The following PLXNA4 variants were observed in gnomAD, a reference collection of about 807,000 sequenced individuals.
PLXNA4 encodes plexin A4, also known as plexin-A4.
In PLXNA4, 44 loss-of-function variants were observed where a neutral mutation model predicts 191.8. The ratio of observed to expected loss-of-function variants is 0.23; its 90% confidence interval spans 0.18 to 0.29. The LOEUF (loss-of-function observed/expected upper bound fraction) is 0.29. Among genes scored for constraint, PLXNA4 ranks in the 10% least tolerant of loss-of-function variants. The pLI is 1.00. For synonymous variants in PLXNA4, 1,082 were observed against 1,009.5 expected (o/e 1.07, Z -1.36); for missense variants, 1,800 against 2,488.8 (o/e 0.72, Z 5.89).
chr7:132,339,413 C>T (rs910318217), intron 3 of PLXNA4, among the ~76,000 whole-genome samples: 1 of 152,164 alleles, frequency 6.6e-6, no homozygotes, highest in Non-Finnish European at 1.5e-5. Flanking sequence ...AAATTTAACA[C>T]CAGTTCTCAG....
intron 12 of PLXNA4, among the ~76,000 whole-genome samples, chr7:132,198,997 C>T (rs955503804): frequency 6.6e-6 from 1 of 152,138 alleles, no homozygotes; most frequent in Non-Finnish European, 1.5e-5. Flanking sequence ...AAAATAAAAA[C>T]CCCTCCTATC....
At chr7:132,594,661 C>A (rs1193883046) in intron 2 of PLXNA4, among the ~76,000 whole-genome samples, 1 of 152,124 alleles carries the variant, frequency 6.6e-6, no homozygotes, top group Non-Finnish European at 1.5e-5. Context: ...TAAATTAAAG[C>A]CCTTTTCAGT....
At chr7:132,619,456 G>A (rs1028044806) in intron 2 of PLXNA4, among the ~76,000 whole-genome samples, 3 of 152,186 alleles carry the variant, frequency 2.0e-5, no homozygotes, top group African/African-American at 4.8e-5. Context: ...CTTTATTGCT[G>A]TTGTCATTTG....
At chr7:132,547,924 TA>T (rs1800381436) in intron 1 of PLXNA4, among the ~76,000 whole-genome samples, 1 of 152,108 alleles carries the variant, frequency 6.6e-6, no homozygotes. Flanking sequence ...CCAAGACCAC[TA>T]TGACCAAATT....
intron 30 of PLXNA4, among the ~76,000 whole-genome samples, chr7:132,137,584 C>T (rs563209105): frequency 2.0e-5 from 3 of 152,236 alleles, no homozygotes; most frequent in South Asian, 2.1e-4. Context: ...TTTCCAGATT[C>T]GGCCATAAGC....
chr7:132,288,720 C>G (rs984637836), intron 4 of PLXNA4, among the ~76,000 whole-genome samples: 1 of 152,186 alleles, frequency 6.6e-6, no homozygotes, highest in African/African-American at 2.4e-5. Context: ...GAGACGGTTG[C>G]ATCACCATCC....
At chr7:132,640,526 A>G (rs1000558035) in intron 2 of PLXNA4, among the ~76,000 whole-genome samples, 23 of 152,172 alleles carry the variant, frequency 1.5e-4, no homozygotes, top group Non-Finnish European at 3.1e-4. Flanking sequence ...TACAAAGAAA[A>G]GGGGTTATGA....
intron 3 of PLXNA4, among the ~76,000 whole-genome samples, chr7:132,332,824 T>C (rs937531188): frequency 2.0e-5 from 3 of 149,252 alleles, no homozygotes; most frequent in African/African-American, 7.4e-5. Flanking sequence ...CATGCCACTG[T>C]ACTCCAACAT....
intron 2 of PLXNA4, among the ~76,000 whole-genome samples, chr7:132,615,539 T>C (rs76795675): frequency 0.019 from 2,824 of 152,298 alleles, 79 homozygotes; most frequent in African/African-American, 0.063. Context: ...GAGTCACTTC[T>C]GGTGTCCACT....
intron 3 of PLXNA4, among the ~76,000 whole-genome samples, chr7:132,313,888 C>A (rs1801844296): frequency 6.6e-6 from 1 of 152,132 alleles, no homozygotes; most frequent in Non-Finnish European, 1.5e-5. Flanking sequence ...CCATAGATTA[C>A]AGAATACAGA....
At chr7:132,605,038 C>T (rs1225673731) in intron 2 of PLXNA4, among the ~76,000 whole-genome samples, 3 of 152,208 alleles carry the variant, frequency 2.0e-5, no homozygotes, top group African/African-American at 7.2e-5. Context: ...GTGTCCTCAG[C>T]ACTCACAATA....
intron 22 of PLXNA4, among the ~76,000 whole-genome samples, chr7:132,167,002 C>T (rs1166745419): frequency 6.6e-6 from 1 of 152,134 alleles, no homozygotes; most frequent in Non-Finnish European, 1.5e-5. Context: ...GCCACTGAAG[C>T]TCAGCCTGAG....
intron 3 of PLXNA4, among the ~76,000 whole-genome samples, chr7:132,412,191 AC>A (rs1794484029): frequency 1.3e-5 from 2 of 151,934 alleles, no homozygotes; most frequent in Non-Finnish European, 2.9e-5. Flanking sequence ...TCAAAACCCT[AC>A]TTATTTATTT....
chr7:132,403,850 G>A (rs146872259), intron 3 of PLXNA4, among the ~76,000 whole-genome samples: 7 of 152,270 alleles, frequency 4.6e-5, no homozygotes, highest in Middle Eastern at 3.4e-3. Context: ...CCCACTTGCC[G>A]ACTTTTGGTG....
intron 3 of PLXNA4, among the ~76,000 whole-genome samples, chr7:132,396,097 G>A (rs1346128814): frequency 6.6e-6 from 1 of 152,180 alleles, no homozygotes; most frequent in Non-Finnish European, 1.5e-5. Flanking sequence ...CCCTAGAGAT[G>A]AGGAGCTGTG....
At chr7:132,623,439 A>G (rs554503808) in intron 2 of PLXNA4, among the ~76,000 whole-genome samples, 1 of 152,356 alleles carries the variant, frequency 6.6e-6, no homozygotes, top group Admixed American at 6.5e-5. Context: ...CAATAATGAC[A>G]ACAAACAGTC....
At position 132,168,518 on chromosome 7, in the gene PLXNA4, G is replaced by C; in HGVS notation, c.4072C>G (p.Leu1358Val). 1.2e-6 allele frequency: 2 copies of C among 1,612,048 alleles called. No individual in the cohort carries two copies. Among genetic ancestry groups the C allele is most frequent in the Non-Finnish European group, 1.7e-6 (2 of 1,178,758 alleles). The change falls in exon 22 of 32, where the codon CTC becomes GTC. Residue 1358 changes from leucine to valine, a missense_variant. Leu to Val is a conservative substitution (Grantham distance 32). Coordinates refer to ENST00000321063, the MANE Select transcript of PLXNA4 (RefSeq NM_020911.2). ...VEKGLKLFAQLINNKVFLLSF... is the reference protein window; with the variant it reads ...VEKGLKLFAQVINNKVFLLSF... The stretch of plus-strand genomic sequence containing the variant: ...AGCAGGAACACCTTGTTGTTGATGA[G>C]CTGGGCGAAGAGCTTCAGGCCTTTC...
chr7:132,635,389 G>T (rs1031505456), intron 2 of PLXNA4, among the ~76,000 whole-genome samples: 3 of 151,882 alleles, frequency 2.0e-5, no homozygotes, highest in African/African-American at 7.3e-5. Flanking sequence ...TGTATACTTG[G>T]ATTTAGGGAT....
Position 132,174,627 on chromosome 7 carries a change from G to A in PLXNA4, c.4017+151C>T, listed in dbSNP as rs115881292. Reference sequence around the variant, plus strand: ...TGGCTTGGCCCCACCTCTTCCAGAGGGATGGACTGGTGCTGACAATCTGGG... The same window carrying A: ...TGGCTTGGCCCCACCTCTTCCAGAGAGATGGACTGGTGCTGACAATCTGGG... On this transcript the variant is annotated intron_variant, in intron 21 of 31. Coordinates refer to ENST00000321063, the MANE Select transcript of PLXNA4 (RefSeq NM_020911.2). The A allele has an allele frequency of 3.3e-3, 4,086 of 1,223,786 alleles. 96 individuals are homozygous for A. The African/African-American group carries it at 0.053, about 16-fold the overall frequency. The allele number at this position is 1,223,786 out of a possible 1,614,324, so 75.8% of individuals were successfully genotyped here.
Sources: gnomAD v4.1 joint callset for allele counts (sites outside exome capture counted in the v4.1 genomes callset) on GRCh38, gnomAD v4.1.1 for gene constraint, MANE v1.5 for transcripts, NCBI Gene and HGNC (gene_info 2026-07-23, HGNC 2026-07-21) for gene names.